The following GRIP1 variants were observed in gnomAD, a reference collection of about 807,000 sequenced individuals.
The protein encoded by GRIP1 is glutamate receptor interacting protein 1.
A neutral mutation model predicts 129.9 loss-of-function variants in GRIP1; 45 were observed. The observed-to-expected ratio is 0.35, with a 90% CI of 0.27 to 0.44. The LOEUF (loss-of-function observed/expected upper bound fraction) is 0.44. Among genes scored for constraint, GRIP1 ranks in the 20% least tolerant of loss-of-function variants. The pLI, the probability that GRIP1 is intolerant of heterozygous loss-of-function variation, is 1.00. For missense variants in GRIP1, 1,196 were observed against 1,396.8 expected (o/e 0.86, Z 2.29); for synonymous variants, 530 against 520.8 (o/e 1.02, Z -0.24).
intron 10 of GRIP1, 141 bp from the exon 11 acceptor site, chr12:66,455,705 C>T (rs2058939584): frequency 4.1e-6 from 3 of 739,978 alleles, no homozygotes; most frequent in East Asian, 2.7e-5. Context: ...TAGAGGCCAG[C>T]TCTCAGGAGC....
chr12:66,573,592 T>C (rs2063037041), intron 2 of GRIP1, among the ~76,000 whole-genome samples: 2 of 152,136 alleles, frequency 1.3e-5, no homozygotes, highest in South Asian at 2.1e-4. Flanking sequence ...AGGGCCGGCA[T>C]TCAAGTAAGG....
intron 1 of GRIP1, among the ~76,000 whole-genome samples, chr12:67,012,895 C>T (rs1352568940): frequency 2.6e-5 from 4 of 152,138 alleles, no homozygotes; most frequent in Non-Finnish European, 5.9e-5. Context: ...AGAAGTGTGT[C>T]TCTGAAAACA....
intron 1 of GRIP1, among the ~76,000 whole-genome samples, chr12:66,810,570 G>A (rs1377125796): frequency 7.0e-6 from 1 of 142,174 alleles, no homozygotes; most frequent in African/African-American, 2.7e-5. Flanking sequence ...GGAAAAAAAA[G>A]AGTTTTTACT....
intron 1 of GRIP1, among the ~76,000 whole-genome samples, chr12:66,981,869 T>C (rs2042246168): frequency 1.3e-5 from 2 of 152,180 alleles, no homozygotes; most frequent in Admixed American, 6.5e-5. Context: ...AGTTTCTAAA[T>C]GAGAAAGCAA....
intron 1 of GRIP1, among the ~76,000 whole-genome samples, chr12:66,976,319 G>C (rs2042150543): frequency 1.3e-5 from 2 of 152,070 alleles, no homozygotes; most frequent in African/African-American, 4.8e-5. Context: ...TGTATGTATT[G>C]GTGATTTATA....
Position 66,785,335 on chromosome 12 carries a change from C to CATATATATATATATATATAT in GRIP1, c.-420+18717_-420+18718insATATATATATATATATATAT, listed in dbSNP as rs1448856691. Among the ~76,000 whole-genome samples the CATATATATATATATATATAT allele has an allele frequency of 2.1e-3, 59 of 27,758 alleles. 1 individual carries two copies. Among genetic ancestry groups the CATATATATATATATATATAT allele is most frequent in the Non-Finnish European group, 3.5e-3 (38 of 11,008 alleles). 18.2% of individuals were successfully genotyped at this position (27,758 alleles called of 152,430 possible). On this transcript the variant is annotated intron_variant, in intron 1 of 4. Coordinates refer to the GRIP1 transcript ENST00000538373. The stretch of plus-strand genomic sequence containing the variant: ...ACATACATACATACATACATACATA[C>CATATATATATATATATATAT]ATACATACATATATATATATATATA...
chr12:66,497,628 GAA>G (rs2060270688), intron 7 of GRIP1, among the ~76,000 whole-genome samples: 1 of 152,204 alleles, frequency 6.6e-6, no homozygotes, highest in Non-Finnish European at 1.5e-5. Context: ...GAAGTGATGT[GAA>G]GAGCAGAGGT....
chr12:66,500,040 T>A (rs1354888319), intron 7 of GRIP1, among the ~76,000 whole-genome samples: 1 of 151,994 alleles, frequency 6.6e-6, no homozygotes, highest in Non-Finnish European at 1.5e-5. Flanking sequence ...ACAGGAACAA[T>A]TTTGAAAGGC....
chr12:66,980,215 T>C (rs2135593571), intron 1 of GRIP1, among the ~76,000 whole-genome samples: 1 of 152,338 alleles, frequency 6.6e-6, no homozygotes, highest in East Asian at 1.9e-4. Context: ...TGTACTTCTA[T>C]TTGAATGTGA....
chr12:66,410,259 A>G (rs1279663592), intron 15 of GRIP1, among the ~76,000 whole-genome samples: 1 of 148,744 alleles, frequency 6.7e-6, no homozygotes, highest in Non-Finnish European at 1.5e-5. Flanking sequence ...CAAAAAAAAA[A>G]AAAAAAAAAA....
In GRIP1 at chr12:66,859,108, TG is replaced by T. The variant is rs200339439; in HGVS notation, c.58+209941del. Among the ~76,000 whole-genome samples the T allele has an allele frequency of 3.6e-3, 544 of 151,976 alleles. 3 individuals carry two copies. The highest frequency in any genetic ancestry group is 0.012 in the African/African-American group (518 of 41,508). On this transcript the variant is annotated intron_variant, in intron 1 of 1. Transcript: ENST00000643019. ...ACCACACTTTGCACATTTGGGAATA[TG>T]AGCCATATGAAGGAATGTGAATTCA...
At chr12:66,680,117 T>G (rs1388897574), upstream of GRIP1, among the ~76,000 whole-genome samples, 1 of 152,106 alleles carries the variant, frequency 6.6e-6, no homozygotes, top group Non-Finnish European at 1.5e-5. Context: ...AAAAAATCAA[T>G]TAGTCAAAAT....
chr12:66,965,454 C>T (rs11176500), intron 1 of GRIP1, among the ~76,000 whole-genome samples: 31,809 of 151,504 alleles, frequency 0.21, 4,058 homozygotes, highest in East Asian at 0.29. Flanking sequence ...GATCTTCAGT[C>T]TACACTCCAA....
intron 1 of GRIP1, among the ~76,000 whole-genome samples, chr12:67,035,034 T>C (rs2043075147): frequency 6.6e-6 from 1 of 152,208 alleles, no homozygotes. Context: ...CATGACCCCT[T>C]CAAATATGTG....
chr12:66,352,793 C>A (rs2054298439), intron 24 of GRIP1, among the ~76,000 whole-genome samples: 1 of 151,250 alleles, frequency 6.6e-6, no homozygotes, highest in Non-Finnish European at 1.5e-5. Flanking sequence ...CATCAACCCT[C>A]CAATTAGTTA....
intron 2 of GRIP1, among the ~76,000 whole-genome samples, chr12:66,596,405 A>G (rs538321692): frequency 7.2e-5 from 11 of 152,324 alleles, no homozygotes; most frequent in African/African-American, 1.9e-4. Flanking sequence ...GAGCTGTCCA[A>G]TGGAAGCAAA....
chr12:67,010,289 A>G (rs1240749457), intron 1 of GRIP1, among the ~76,000 whole-genome samples: 3 of 152,212 alleles, frequency 2.0e-5, no homozygotes, highest in African/African-American at 4.8e-5. Flanking sequence ...TTGACTGCAC[A>G]AGTGTAAGAT....
intron 1 of GRIP1, among the ~76,000 whole-genome samples, chr12:66,722,442 G>A (rs1360160791): frequency 6.6e-6 from 1 of 152,124 alleles, no homozygotes; most frequent in Non-Finnish European, 1.5e-5. Context: ...TTCTATGGGT[G>A]CAGGTCATGG....
intron 1 of GRIP1, among the ~76,000 whole-genome samples, chr12:66,624,415 A>T (rs1388954204): frequency 6.6e-6 from 1 of 152,206 alleles, no homozygotes; most frequent in Non-Finnish European, 1.5e-5. Context: ...AGAGAAAAAA[A>T]TTAGAAGTAA....
Sources: gnomAD v4.1 joint callset for allele counts (sites outside exome capture counted in the v4.1 genomes callset) on GRCh38, gnomAD v4.1.1 for gene constraint, MANE v1.5 for transcripts, NCBI Gene and HGNC (gene_info 2026-07-23, HGNC 2026-07-21) for gene names.